Variants in LAMA1 observed in about 807,000 individuals in gnomAD.
The protein encoded by LAMA1 is laminin subunit alpha 1.
LAMA1 carries 219 observed loss-of-function variants against 348.7 expected under a neutral mutation model. That is an observed-to-expected ratio of 0.63 (90% CI 0.56 to 0.70). The LOEUF (loss-of-function observed/expected upper bound fraction) is 0.70, where lower values mean the gene tolerates loss of function less well. LAMA1 is among the 30% of genes least tolerant of loss of function. The pLI is 0.00. For synonymous variants in LAMA1, 1,487 were observed against 1,491.0 expected (o/e 1.00, Z 0.06); for missense variants, 3,744 against 3,888.0 (o/e 0.96, Z 0.99).
chr18:7,012,646 C>G (rs2057866805), intron 23 of LAMA1, among the ~76,000 whole-genome samples: 1 of 150,598 alleles, frequency 6.6e-6, no homozygotes, highest in African/African-American at 2.4e-5. Context: ...GCTGGGACTA[C>G]AGGCGCCTGC....
rs1213616103 is a variant in LAMA1 at position 7,055,473 on chromosome 18, AAAAAT to A, written c.346-4542_346-4538del. On this transcript the variant is annotated intron_variant, in intron 3 of 62. Transcript: ENST00000389658. ...CGTCTCAAAAAAAAAAAAAAAAAAA[AAAAAT>A]TTACCCACGTACACACACATACACA... 3.3e-3 allele frequency among the ~76,000 whole-genome samples: 505 copies of A among 151,200 alleles called. 6 individuals are homozygous for A. Among genetic ancestry groups the A allele is most frequent in the African/African-American group, 0.012 (488 of 41,062 alleles).
At chr18:7,025,073 C>T (rs535656530) in intron 17 of LAMA1, among the ~76,000 whole-genome samples, 1 of 152,298 alleles carries the variant, frequency 6.6e-6, no homozygotes, top group Admixed American at 6.5e-5. Context: ...TTTTTATATA[C>T]TGGGAATTCT....
Position 7,002,298 on chromosome 18 carries a change from C to A in LAMA1, c.4348G>T (p.Ala1450Ser). 6.2e-7 allele frequency: 1 copy of A among 1,613,270 alleles called. No homozygotes were observed. ...GGGCTGTGAGGACAGGCACACAGAG[C>A]ACAGTCACTTGCTGAGCCAGTCACC... ...GKVTGSASDCALCACPHSPPA... is the reference protein window; with the variant it reads ...GKVTGSASDCSLCACPHSPPA... Residue 1450 changes from alanine (A) to serine (S), a missense_variant, in exon 30 of 63, where the codon GCT becomes TCT. Ala to Ser is a moderately conservative substitution (Grantham distance 99, BLOSUM62 1). Transcript: ENST00000389658.
intron 57 of LAMA1, among the ~76,000 whole-genome samples, chr18:6,952,570 C>T (rs1007328384): frequency 6.6e-6 from 1 of 152,210 alleles, no homozygotes; most frequent in Non-Finnish European, 1.5e-5. Flanking sequence ...TCCAAGGTTT[C>T]ACTTTTTGAG....
chr18:7,003,155 C>T lies in LAMA1; in HGVS notation c.4261-770G>A, dbSNP rs376634654. Among the ~76,000 whole-genome samples the T allele has an allele frequency of 5.3e-5, 8 of 152,002 alleles. No homozygotes were observed. In the East Asian group the frequency reaches 5.8e-4, roughly 11 times the overall value. Reference sequence around the variant, plus strand: ...GCCTTGGCCTCCTAAGTAGCTGGGACGACATGCACGAGCCACCCCATGTGG... The same window carrying T: ...GCCTTGGCCTCCTAAGTAGCTGGGATGACATGCACGAGCCACCCCATGTGG... On this transcript the variant is annotated intron_variant, in intron 29 of 62. Transcript: ENST00000389658.
chr18:7,094,447 A>G (rs2058252567), intron 1 of LAMA1, among the ~76,000 whole-genome samples: 1 of 149,940 alleles, frequency 6.7e-6, no homozygotes, highest in African/African-American at 2.5e-5. Flanking sequence ...AAAAAAAAAA[A>G]AGATATTAGA....
In LAMA1 at chr18:7,044,853, A is replaced by T; in HGVS notation, c.859-14T>A. The T allele has an allele frequency of 6.4e-7, 1 of 1,566,028 alleles. No individual in the cohort carries two copies. Among genetic ancestry groups the T allele is most frequent in the Admixed American group, 1.7e-5 (1 of 59,968 alleles). ...ACACTGCAGTTTCTACACAATAAGG[A>T]AGCCAAAACTGAATTAGAAAATGTA... On this transcript the variant is annotated splice_polypyrimidine_tract_variant and intron_variant, in intron 6 of 62. Transcript: ENST00000389658.
intron 19 of LAMA1, among the ~76,000 whole-genome samples, chr18:7,021,629 A>G (rs1225482421): frequency 6.6e-6 from 1 of 151,624 alleles, no homozygotes. Flanking sequence ...ACCTGATCAC[A>G]TGACAAAATG....
At chr18:7,095,017 C>G (rs2058254722) in intron 1 of LAMA1, among the ~76,000 whole-genome samples, 1 of 150,722 alleles carries the variant, frequency 6.6e-6, no homozygotes, top group African/African-American at 2.4e-5. Context: ...GCAGTTCTCT[C>G]CAAATTGATC....
chr18:6,968,043 C>T (rs755219651), intron 48 of LAMA1, among the ~76,000 whole-genome samples: 3 of 152,284 alleles, frequency 2.0e-5, no homozygotes. Flanking sequence ...CAGACTATGA[C>T]CAGAGGCACA....
intron 22 of LAMA1, 37 bp downstream of exon 22, chr18:7,015,685 C>G: frequency 6.2e-7 from 1 of 1,610,572 alleles, no homozygotes; most frequent in African/African-American, 1.3e-5. Context: ...AGCAAAGCAA[C>G]TCTCAGTTAA....
intron 6 of LAMA1, among the ~76,000 whole-genome samples, chr18:7,045,122 A>G (rs571324): frequency 0.21 from 31,350 of 152,182 alleles, 9,573 homozygotes; most frequent in African/African-American, 0.67. Context: ...GGGTTTAGAA[A>G]CTCCTATTAA....
chr18:7,081,316 C>T (rs1051547404), intron 1 of LAMA1, among the ~76,000 whole-genome samples: 1 of 152,172 alleles, frequency 6.6e-6, no homozygotes, highest in Non-Finnish European at 1.5e-5. Flanking sequence ...GCAATCCAAA[C>T]GTCTTTCACT....
chr18:7,014,909 C>T (rs1016096608), intron 22 of LAMA1, among the ~76,000 whole-genome samples: 5 of 151,888 alleles, frequency 3.3e-5, no homozygotes, highest in Admixed American at 6.6e-5. Flanking sequence ...TGCAGTGGCC[C>T]GATATCGGCT....
At chr18:7,035,821 C>T (rs1598291296) in intron 13 of LAMA1, among the ~76,000 whole-genome samples, 166 bp downstream of exon 13, 1 of 151,792 alleles carries the variant, frequency 6.6e-6, no homozygotes, top group African/African-American at 2.4e-5. Context: ...AAGACAGATT[C>T]TCACACTCAC....
At chr18:7,027,774 C>G (rs556473502) in intron 16 of LAMA1, among the ~76,000 whole-genome samples, 1 of 152,204 alleles carries the variant, frequency 6.6e-6, no homozygotes, top group Admixed American at 6.5e-5. Context: ...GAAACCCCAT[C>G]TCTACTAAAA....
intron 3 of LAMA1, among the ~76,000 whole-genome samples, chr18:7,074,084 C>T (rs1288822777): frequency 5.9e-5 from 9 of 152,106 alleles, no homozygotes; most frequent in African/African-American, 2.2e-4. Flanking sequence ...CTGACCTCCT[C>T]GGCCTCCCAA....
intron 28 of LAMA1, 94 bp downstream of exon 28, chr18:7,008,394 G>T (rs918793951): frequency 2.1e-6 from 3 of 1,397,352 alleles, no homozygotes; most frequent in African/African-American, 1.4e-5. Context: ...TGATATAGTA[G>T]ATACACATAA....
intron 31 of LAMA1, 124 bp from the exon 32 acceptor site, chr18:6,999,762 T>TC (rs149179215): frequency 0.018 from 21,049 of 1,177,540 alleles, 391 homozygotes; most frequent in African/African-American, 0.068. Context: ...GAAAACTTGT[T>TC]CTGGAACAGT....
Sources: gnomAD v4.1 joint callset for allele counts (sites outside exome capture counted in the v4.1 genomes callset) on GRCh38, gnomAD v4.1.1 for gene constraint, MANE v1.5 for transcripts, NCBI Gene and HGNC (gene_info 2026-07-23, HGNC 2026-07-21) for gene names.